Variants in CDK14 observed in about 807,000 individuals in gnomAD.
CDK14 encodes cyclin dependent kinase 14, also known as cyclin-dependent kinase 14.
A neutral mutation model predicts 60.7 loss-of-function variants in CDK14; 34 were observed. The ratio of observed to expected loss-of-function variants is 0.56; its 90% CI spans 0.43 to 0.75. CDK14 has a LOEUF of 0.75. CDK14 is among the 30% of genes least tolerant of loss of function. CDK14 has a pLI of 0.00. For synonymous variants in CDK14, 197 were observed against 203.7 expected, an observed-to-expected ratio of 0.97 and a Z score of 0.28; for missense variants, 482 against 564.1, an observed-to-expected ratio of 0.85 and a Z score of 1.47.
chr7:90,812,662 A>G (rs567047802), intron 5 of CDK14, among the ~76,000 whole-genome samples: 67 of 152,250 alleles, frequency 4.4e-4, no homozygotes, highest in African/African-American at 1.5e-3. Flanking sequence ...AGACCATGCA[A>G]TGGTTTTCAA....
rs140197225 is a variant in CDK14, at chr7:90,882,379, A to C, written c.640-16912A>C. On this transcript the variant is annotated intron_variant, in intron 6 of 14. Transcript: ENST00000380050. The stretch of plus-strand genomic sequence containing the variant: ...TACACAATGGTAAAGGGAACAACTC[A>C]AAAAGAACAGCTAACTATATTCTAA... Among the ~76,000 whole-genome samples the C allele has an allele frequency of 2.2e-3, 339 of 152,348 alleles. 3 individuals carry two copies. Among genetic ancestry groups the C allele is most frequent in the African/African-American group, 7.4e-3 (308 of 41,586 alleles).
At chr7:90,765,412 C>T (rs926858161) in intron 4 of CDK14, among the ~76,000 whole-genome samples, 1 of 151,910 alleles carries the variant, frequency 6.6e-6, no homozygotes, top group Non-Finnish European at 1.5e-5. Flanking sequence ...AACAGACCAC[C>T]AATATTTAGA....
intron 2 of CDK14, among the ~76,000 whole-genome samples, chr7:90,666,943 G>T (rs749012049): frequency 2.0e-5 from 3 of 152,328 alleles, no homozygotes; most frequent in Middle Eastern, 6.8e-3. Flanking sequence ...AGAGGACAAT[G>T]AATCTGCATA....
At chr7:91,171,223 G>A (rs575378369) in intron 14 of CDK14, among the ~76,000 whole-genome samples, 6 of 151,998 alleles carry the variant, frequency 3.9e-5, no homozygotes, top group African/African-American at 7.2e-5. Flanking sequence ...GGTGGCGGGC[G>A]CCTGTAATCC....
intron 10 of CDK14, among the ~76,000 whole-genome samples, chr7:91,009,488 A>T (rs980786183): frequency 5.3e-5 from 8 of 152,186 alleles, no homozygotes; most frequent in African/African-American, 1.9e-4. Flanking sequence ...CATTGCCACC[A>T]GCAGTGTATG....
chr7:90,597,553 T>G (rs1181217611), intron 1 of CDK14, among the ~76,000 whole-genome samples: 2 of 152,158 alleles, frequency 1.3e-5, no homozygotes, highest in Non-Finnish European at 2.9e-5. Flanking sequence ...TGTCACAACT[T>G]TCACTAATAA....
chr7:90,845,200 A>G (rs1252598189), intron 5 of CDK14, among the ~76,000 whole-genome samples: 5 of 152,170 alleles, frequency 3.3e-5, no homozygotes. Flanking sequence ...CATTTATTGA[A>G]TGAATGAATG....
chr7:90,919,298 C>G (rs941099788), intron 8 of CDK14, among the ~76,000 whole-genome samples: 1 of 152,022 alleles, frequency 6.6e-6, no homozygotes, highest in African/African-American at 2.4e-5. Context: ...TAAATTTTGT[C>G]TGTATAACCA....
chr7:90,600,682 C>A (rs1295898636), intron 1 of CDK14, among the ~76,000 whole-genome samples: 1 of 152,206 alleles, frequency 6.6e-6, no homozygotes, highest in Non-Finnish European at 1.5e-5. Context: ...AATGTTCAGA[C>A]ACAAAATTTA....
intron 11 of CDK14, among the ~76,000 whole-genome samples, chr7:91,046,297 C>T (rs917149971): frequency 6.6e-6 from 1 of 152,020 alleles, no homozygotes; most frequent in African/African-American, 2.4e-5. Flanking sequence ...TGTGTCACTT[C>T]TTGTAGTAAG....
At chr7:90,685,504 GTC>G (rs1220473010) in intron 2 of CDK14, among the ~76,000 whole-genome samples, 7 of 152,120 alleles carry the variant, frequency 4.6e-5, no homozygotes, top group Admixed American at 3.3e-4. Context: ...TAGAGATAGA[GTC>G]TTGTTCTGTC....
intron 14 of CDK14, among the ~76,000 whole-genome samples, chr7:91,146,261 C>T (rs969402951): frequency 4.6e-5 from 7 of 152,284 alleles, no homozygotes; most frequent in Non-Finnish European, 8.8e-5. Flanking sequence ...AGTGCAATAG[C>T]GCAATATTGG....
intron 6 of CDK14, among the ~76,000 whole-genome samples, chr7:90,876,206 C>T (rs115221459): frequency 1.8e-3 from 271 of 152,282 alleles, no homozygotes; most frequent in African/African-American, 6.4e-3. Context: ...CAGTATCCGT[C>T]TTTCCTGTGA....
In CDK14 at chr7:90,942,333, A is replaced by G. The variant is rs147399116; in HGVS notation, c.827-13364A>G. ...TAGATCTTGGAGTCCACCTTCCAGC[A>G]CATAACGTTTATACAAGACAGAGCT... On this transcript the variant is annotated intron_variant, in intron 8 of 14. Coordinates refer to ENST00000380050, the MANE Select transcript of CDK14 (RefSeq NM_001287135.2). Among the ~76,000 whole-genome samples the G allele has an allele frequency of 5.3e-3, 806 of 152,296 alleles. 8 individuals carry two copies. The highest frequency in any genetic ancestry group is 0.018 in the African/African-American group (759 of 41,554).
Position 90,823,214 on chromosome 7 carries a change from A to G in CDK14, c.544+32562A>G, listed in dbSNP as rs572128996. On this transcript the variant is annotated intron_variant, in intron 5 of 14. Transcript: ENST00000380050. ...TCAAAATTCATGTTCAAAGTCTTAA[A>G]TTTTTCTTCTAACAGAGCCAAGCTA... Among the ~76,000 whole-genome samples the G allele has an allele frequency of 1.3e-3, 195 of 152,186 alleles. 5 individuals are homozygous for G. Among genetic ancestry groups the G allele is most frequent in the Non-Finnish European group, 1.9e-4 (13 of 68,008 alleles).
chr7:90,964,192 T>TGCA (rs1794688440), intron 9 of CDK14, among the ~76,000 whole-genome samples: 1 of 152,202 alleles, frequency 6.6e-6, no homozygotes, highest in Non-Finnish European at 1.5e-5. Context: ...CTGTGTTTTT[T>TGCA]GCAGCCTTTT....
intron 9 of CDK14, among the ~76,000 whole-genome samples, chr7:90,969,134 A>T (rs1047245257): frequency 6.6e-6 from 1 of 152,180 alleles, no homozygotes; most frequent in Non-Finnish European, 1.5e-5. Flanking sequence ...GGACCCTGTT[A>T]ATCTGTACCG....
chr7:90,709,702 T>C, intron 2 of CDK14: 1 of 1,501,228 alleles, frequency 6.7e-7, no homozygotes, highest in East Asian at 2.5e-5. Flanking sequence ...TAGCATGTCC[T>C]TTGAGTTCTT....
rs55947583 is a variant in CDK14 at position 90,630,038 on chromosome 7, CAAACAAAACAAAACA to C, written c.123+25825_123+25839del. On this transcript the variant is annotated intron_variant, in intron 2 of 14. Coordinates refer to ENST00000380050, the MANE Select transcript of CDK14 (RefSeq NM_001287135.2). ...TGGGCAACAGAACGAGACACTGTCT[CAAACAAAACAAAACA>C]AAACAAAACAAAACAAAACAAAACA... Among the ~76,000 whole-genome samples, 773 of 102,846 alleles carry C rather than the reference CAAACAAAACAAAACA, an allele frequency of 7.5e-3. 9 individuals are homozygous for C. Among genetic ancestry groups the C allele is most frequent in the African/African-American group, 0.025 (698 of 27,720 alleles). 67.5% of individuals were successfully genotyped at this position (102,846 alleles called of 152,430 possible).
Sources: allele counts gnomAD v4.1 joint callset (sites outside exome capture counted in the v4.1 genomes callset), GRCh38; gene constraint gnomAD v4.1.1; transcripts MANE v1.5; gene names NCBI Gene and HGNC (gene_info 2026-07-23, HGNC 2026-07-21).